The following NEBL variants were observed in gnomAD, a reference collection of about 807,000 sequenced individuals.
The protein encoded by NEBL is LIM and SH3 protein 2.
Under a neutral mutation model 140.2 loss-of-function variants are expected in NEBL, and 122 were observed. The observed-to-expected ratio is 0.87, with a 90% CI of 0.75 to 1.01. The LOEUF is 1.01. Ranked by LOEUF, NEBL falls within the 50% of genes least tolerant of loss-of-function variation. NEBL has a pLI of 0.00. For synonymous variants in NEBL, 436 were observed against 398.9 expected, an observed-to-expected ratio of 1.09 and a Z score of -1.11; for missense variants, 1,365 against 1,231.3, an observed-to-expected ratio of 1.11 and a Z score of -1.62.
chr10:20,855,693 T>C (rs1446515448), intron 9 of NEBL, among the ~76,000 whole-genome samples: 2 of 152,162 alleles, frequency 1.3e-5, no homozygotes, highest in Non-Finnish European at 2.9e-5. Context: ...AACTCAACAC[T>C]ACCAGAGGTC....
intron 3 of NEBL, among the ~76,000 whole-genome samples, chr10:21,235,733 G>A (rs1446941327): frequency 2.6e-5 from 4 of 152,194 alleles, no homozygotes; most frequent in Non-Finnish European, 5.9e-5. Flanking sequence ...ATAAAAACTT[G>A]ATAACATTCT....
upstream of NEBL, among the ~76,000 whole-genome samples, chr10:20,897,801 T>C (rs1473668135): frequency 1.3e-5 from 2 of 152,238 alleles, no homozygotes; most frequent in African/African-American, 2.4e-5. Flanking sequence ...TTATATTAGC[T>C]GATTAGAGGC....
Position 20,870,101 on chromosome 10 carries a change from C to T in NEBL, c.481-260G>A, listed in dbSNP as rs537448855. Among the ~76,000 whole-genome samples the T allele has an allele frequency of 9.3e-4, 141 of 151,766 alleles. 2 individuals are homozygous for T. The highest frequency in any genetic ancestry group is 3.1e-3 in the African/African-American group (129 of 41,422). ...CAGAACTTTGGGAGGCCTAGGTGGG[C>T]GGATCACTTGAGGTCAGGAGTTCGA... On this transcript the variant is annotated intron_variant, in intron 5 of 27. Coordinates refer to ENST00000377122, the MANE Select transcript of NEBL (RefSeq NM_006393.3).
chr10:21,040,284 C>T (rs775289293), intron 2 of NEBL, among the ~76,000 whole-genome samples: 6 of 151,856 alleles, frequency 4.0e-5, no homozygotes, highest in Non-Finnish European at 8.8e-5. Flanking sequence ...GAGAATCGCT[C>T]GAACCCAGGA....
intron 4 of NEBL, among the ~76,000 whole-genome samples, chr10:20,910,348 A>G (rs1321536314): frequency 6.6e-6 from 1 of 152,252 alleles, no homozygotes; most frequent in Non-Finnish European, 1.5e-5. Flanking sequence ...TTAATCATGT[A>G]GCTTCCACTT....
At chr10:21,201,200 C>A (rs1589326634) in intron 3 of NEBL, among the ~76,000 whole-genome samples, 1 of 152,290 alleles carries the variant, frequency 6.6e-6, no homozygotes, top group East Asian at 1.9e-4. Context: ...ATTACTTCAA[C>A]TATGTGCCTA....
intron 2 of NEBL, among the ~76,000 whole-genome samples, chr10:21,073,944 G>A (rs930943495): frequency 5.9e-5 from 9 of 151,988 alleles, no homozygotes; most frequent in South Asian, 2.1e-4. Context: ...ACGTGGTGGC[G>A]GGTGCCTGTA....
chr10:21,068,483 G>A (rs982986639), intron 2 of NEBL, among the ~76,000 whole-genome samples: 1 of 152,214 alleles, frequency 6.6e-6, no homozygotes, highest in Non-Finnish European at 1.5e-5. Flanking sequence ...ACTATGGGGG[G>A]AGGAACATTC....
intron 2 of NEBL, chr10:21,126,237 C>G: frequency 9.8e-7 from 1 of 1,015,538 alleles, no homozygotes; most frequent in East Asian, 2.5e-5. Context: ...GTTTCAGAAC[C>G]AATCCATCTT....
chr10:21,194,458 C>T (rs1006667344), intron 3 of NEBL, among the ~76,000 whole-genome samples: 1 of 152,064 alleles, frequency 6.6e-6, no homozygotes, highest in Non-Finnish European at 1.5e-5. Context: ...TCATTTGGAA[C>T]TAATTACTAA....
chr10:21,177,881 A>C (rs2132201337), upstream of NEBL, among the ~76,000 whole-genome samples: 1 of 152,294 alleles, frequency 6.6e-6, no homozygotes, highest in South Asian at 2.1e-4. Flanking sequence ...TGGCCAATAA[A>C]GTATAGAGCT....
Position 20,813,938 on chromosome 10 carries a change from C to A in NEBL, c.2346+1G>T, listed in dbSNP as rs765381280. The A allele has an allele frequency of 1.9e-6, 3 of 1,563,642 alleles. No homozygotes were observed. The highest frequency in any genetic ancestry group is 2.6e-6 in the Non-Finnish European group (3 of 1,134,214). On this transcript the variant is annotated splice_donor_variant, in intron 23 of 27. Transcript: ENST00000377122. LOFTEE classifies it high-confidence loss of function. ...TTAAGAATGATCTGGTTGGACCCTA[C>A]CATTGAAATATGATTTTGTGCTTCT...
chr10:20,930,393 T>G (rs1257570567), intron 4 of NEBL, among the ~76,000 whole-genome samples: 8 of 152,202 alleles, frequency 5.3e-5, no homozygotes, highest in Non-Finnish European at 1.0e-4. Context: ...CCACCCTATC[T>G]CACGTGTCTC....
chr10:20,995,386 G>A (rs1415219267), intron 3 of NEBL, among the ~76,000 whole-genome samples: 1 of 152,090 alleles, frequency 6.6e-6, no homozygotes, highest in South Asian at 2.1e-4. Context: ...TCACCTTTTC[G>A]GTGCAGGACA....
chr10:21,027,243 C>T (rs1181202611), intron 2 of NEBL, among the ~76,000 whole-genome samples: 1 of 151,408 alleles, frequency 6.6e-6, no homozygotes, highest in Non-Finnish European at 1.5e-5. Flanking sequence ...CCCCTTTGTG[C>T]GTAACAGGCT....
At chr10:20,852,941 T>C (rs375657791) in intron 9 of NEBL, among the ~76,000 whole-genome samples, 185 of 152,298 alleles carry the variant, frequency 1.2e-3, no homozygotes, top group African/African-American at 4.2e-3. Flanking sequence ...AACGGAAAGC[T>C]AGCGCTAGGA....
intron 1 of NEBL, among the ~76,000 whole-genome samples, chr10:21,288,768 A>AAAAAAGAAAAAG (rs1554836842): frequency 1.2e-4 from 14 of 118,950 alleles, no homozygotes; most frequent in Admixed American, 1.9e-4. Flanking sequence ...GCCAAAAAAA[A>AAAAAAGAAAAAG]AAAAAAGAAA....
intron 4 of NEBL, among the ~76,000 whole-genome samples, chr10:20,922,409 C>T (rs959890980): frequency 1.3e-5 from 2 of 152,154 alleles, no homozygotes; most frequent in African/African-American, 2.4e-5. Flanking sequence ...AGTGATACTC[C>T]AATAAATTCA....
intron 2 of NEBL, among the ~76,000 whole-genome samples, chr10:21,137,273 A>G (rs1042300660): frequency 1.3e-5 from 2 of 152,270 alleles, no homozygotes; most frequent in African/African-American, 4.8e-5. Context: ...GGCATCTGGT[A>G]CTTAATAGTA....
Sources: gnomAD v4.1 joint callset for allele counts (sites outside exome capture counted in the v4.1 genomes callset) on GRCh38, gnomAD v4.1.1 for gene constraint, MANE v1.5 for transcripts, NCBI Gene and HGNC (gene_info 2026-07-23, HGNC 2026-07-21) for gene names.